The following MEGF11 variants were observed in gnomAD, a reference collection of about 807,000 sequenced individuals.
MEGF11 encodes multiple EGF like domains 11, also known as multiple epidermal growth factor-like domains protein 11.
Under a neutral mutation model 146.6 loss-of-function variants are expected in MEGF11, and 126 were observed. The ratio of observed to expected loss-of-function variants is 0.86; its 90% CI spans 0.74 to 1.00. The LOEUF (loss-of-function observed/expected upper bound fraction) is 1.00. Among genes scored for constraint, MEGF11 ranks in the 50% least tolerant of loss-of-function variants. MEGF11 has a pLI of 0.00. For missense variants in MEGF11, 1,509 were observed against 1,521.2 expected (o/e 0.99, Z 0.13); for synonymous variants, 532 against 583.4 (o/e 0.91, Z 1.27).
At chr15:66,116,633 AATGAACCC>A (rs2087744444) in intron 4 of MEGF11, among the ~76,000 whole-genome samples, 2 of 152,212 alleles carry the variant, frequency 1.3e-5, no homozygotes, top group African/African-American at 4.8e-5. Context: ...CCATGAACCC[AATGAACCC>A]ATGAACTCAA....
intron 1 of MEGF11, among the ~76,000 whole-genome samples, chr15:66,191,879 T>A (rs113582682): frequency 0.014 from 2,089 of 150,920 alleles, 38 homozygotes; most frequent in African/African-American, 0.049. Flanking sequence ...ATCGAGACCA[T>A]CCTGGCCAAC....
rs1003042982 is a variant in MEGF11, at chr15:65,918,180, A to G, written c.1958-86T>C. ...ACAGCCTCATCCCTAGAAGTTCCCA[A>G]GCCACAGCCATGATCACCCAGGGGT... On this transcript the variant is annotated intron_variant, in intron 15 of 25. Coordinates refer to ENST00000395614, the MANE Select transcript of MEGF11 (RefSeq NM_001385028.1). 179 of 1,573,698 alleles carry G rather than the reference A, an allele frequency of 1.1e-4. 1 individual carries two copies. Among genetic ancestry groups the G allele is most frequent in the Admixed American group, 6.6e-4 (39 of 58,702 alleles).
chr15:66,008,789 G>A (rs953031508), intron 5 of MEGF11, among the ~76,000 whole-genome samples: 8 of 148,928 alleles, frequency 5.4e-5, no homozygotes, highest in African/African-American at 1.7e-4. Flanking sequence ...GTGCCCCTGC[G>A]CTCCAGCTTG....
chr15:66,240,533 G>A (rs1277013332), intron 1 of MEGF11, among the ~76,000 whole-genome samples: 1 of 152,222 alleles, frequency 6.6e-6, no homozygotes, highest in Non-Finnish European at 1.5e-5. Context: ...CATGGGGACT[G>A]GCAAGTCAGA....
intron 1 of MEGF11, among the ~76,000 whole-genome samples, chr15:66,207,908 C>T (rs901841430): frequency 2.0e-5 from 3 of 152,002 alleles, no homozygotes; most frequent in Non-Finnish European, 4.4e-5. Context: ...CATGGCAAAA[C>T]CCTGTCTCTA....
chr15:65,904,915 C>CA (rs776208043), intron 24 of MEGF11, among the ~76,000 whole-genome samples: 4 of 152,170 alleles, frequency 2.6e-5, no homozygotes, highest in Non-Finnish European at 4.4e-5. Flanking sequence ...TTTTCTGAGA[C>CA]AGAGTCTTGT....
At chr15:66,100,205 G>A (rs1246675268) in intron 4 of MEGF11, among the ~76,000 whole-genome samples, 1 of 152,192 alleles carries the variant, frequency 6.6e-6, no homozygotes, top group Non-Finnish European at 1.5e-5. Flanking sequence ...TGTGGGCTGG[G>A]CTCTGTGGGC....
intron 4 of MEGF11, among the ~76,000 whole-genome samples, chr15:66,112,449 G>A (rs991874946): frequency 4.6e-5 from 7 of 152,192 alleles, no homozygotes; most frequent in African/African-American, 7.2e-5. Context: ...GCAGCATGGA[G>A]AGATAAAGAG....
At chr15:66,160,706 C>CACACA (rs1567268108) in intron 1 of MEGF11, among the ~76,000 whole-genome samples, 7 of 145,088 alleles carry the variant, frequency 4.8e-5, no homozygotes, top group African/African-American at 8.1e-5. Context: ...CACACACACA[C>CACACA]CCTTGCCCTA....
rs776414841 is a variant in MEGF11, at chr15:65,913,776, G to A, written c.2671C>T (p.Pro891Ser). 1 of 1,613,566 alleles carries A rather than the reference G, an allele frequency of 6.2e-7. No individual in the cohort carries two copies. The highest frequency in any genetic ancestry group is 1.3e-5 in the African/African-American group (1 of 74,918). ...RDLAPRVSYT[P>S]AMRMTSTDYS... is the part of the protein sequence containing the mutation. ...TCGGTGCTGGTCATCCTCATGGCAGGTGTGTAGGAGACACGGGGAGCCAGG... is the reference window on the plus strand; with the variant it reads ...TCGGTGCTGGTCATCCTCATGGCAGATGTGTAGGAGACACGGGGAGCCAGG... The change falls in exon 20 of 26, where the codon CCT becomes TCT. Residue 891 changes from proline (P) to serine (S), a missense_variant. Physicochemically the swap from Pro to Ser is moderately conservative, Grantham distance 74 (BLOSUM62 -1). Coordinates refer to ENST00000395614, the MANE Select transcript of MEGF11 (RefSeq NM_001385028.1).
intron 5 of MEGF11, among the ~76,000 whole-genome samples, chr15:66,064,251 C>A (rs529173370): frequency 2.0e-5 from 3 of 152,128 alleles, no homozygotes; most frequent in East Asian, 3.9e-4. Flanking sequence ...CGTGTGTAAT[C>A]CCAGTTACTC....
chr15:66,051,586 C>T (rs927987532), intron 5 of MEGF11, among the ~76,000 whole-genome samples: 3 of 152,200 alleles, frequency 2.0e-5, no homozygotes, highest in Admixed American at 1.3e-4. Flanking sequence ...GAGAGCATTC[C>T]GCCCAGCCAC....
intron 10 of MEGF11, among the ~76,000 whole-genome samples, chr15:65,932,495 T>C (rs1298949010): frequency 6.6e-6 from 1 of 151,950 alleles, no homozygotes; most frequent in Admixed American, 6.6e-5. Context: ...GAATGGAGGC[T>C]TCAGAGGCCT....
Position 65,962,283 on chromosome 15 carries a change from C to T in MEGF11, c.1112+2625G>A, listed in dbSNP as rs540345498. Among the ~76,000 whole-genome samples, 4 of 152,288 alleles carry T rather than the reference C, an allele frequency of 2.6e-5. No individual in the cohort carries two copies. The East Asian group carries it at 5.8e-4, about 22-fold the overall frequency. On this transcript the variant is annotated intron_variant, in intron 9 of 25. Transcript: ENST00000395614. ...TCCATAAGAACAATCAAGCGCAGCA[C>T]GAGAGAGTTCATTTAGCCCAGAGGC...
At chr15:65,956,016 T>C (rs1323318130) in intron 10 of MEGF11, among the ~76,000 whole-genome samples, 1 of 151,678 alleles carries the variant, frequency 6.6e-6, no homozygotes, top group Non-Finnish European at 1.5e-5. Flanking sequence ...TTAAAAGACA[T>C]TGTCACCAAG....
intron 1 of MEGF11, among the ~76,000 whole-genome samples, chr15:66,158,005 C>T (rs548055062): frequency 6.6e-6 from 1 of 152,108 alleles, no homozygotes; most frequent in African/African-American, 2.4e-5. Flanking sequence ...CCGCTGTTGC[C>T]CCTTGAAATG....
At chr15:66,210,828 C>T (rs2091427621) in intron 1 of MEGF11, among the ~76,000 whole-genome samples, 1 of 152,218 alleles carries the variant, frequency 6.6e-6, no homozygotes, top group Non-Finnish European at 1.5e-5. Flanking sequence ...TCTCTGCCTT[C>T]TAGGTAATTC....
chr15:65,955,773 T>G (rs1189811307), intron 10 of MEGF11, among the ~76,000 whole-genome samples: 1 of 7,602 alleles, frequency 1.3e-4, no homozygotes, highest in African/African-American at 2.0e-4. Context: ...TATATATATA[T>G]ATATATATAT....
chr15:65,950,200 T>A (rs2080347956), intron 10 of MEGF11, among the ~76,000 whole-genome samples: 1 of 152,226 alleles, frequency 6.6e-6, no homozygotes, highest in African/African-American at 2.4e-5. Context: ...AGATTACTAA[T>A]ATGCTAGACA....
Sources: gnomAD v4.1 joint callset for allele counts (sites outside exome capture counted in the v4.1 genomes callset) on GRCh38, gnomAD v4.1.1 for gene constraint, MANE v1.5 for transcripts, NCBI Gene and HGNC (gene_info 2026-07-23, HGNC 2026-07-21) for gene names.